The following TBPL2 variants were observed in gnomAD, a reference collection of about 807,000 sequenced individuals.
The protein encoded by TBPL2 is TATA-box binding protein like 2.
A neutral mutation model predicts 38.2 loss-of-function variants in TBPL2; 40 were observed. That is an observed-to-expected ratio of 1.05 (90% CI 0.81 to 1.36). The LOEUF (loss-of-function observed/expected upper bound fraction) is 1.36. TBPL2 is among the 40% of genes most tolerant of loss of function. The probability of loss-of-function intolerance (pLI) is 0.00; values close to 1 mark genes in which losing one functional copy is unlikely to be tolerated. For missense variants in TBPL2, 461 were observed against 456.7 expected (o/e 1.01, Z -0.09); for synonymous variants, 169 against 171.7 (o/e 0.98, Z 0.12).
At chr14:55,432,686 C>T (rs140373779) in intron 4 of TBPL2, among the ~76,000 whole-genome samples, 169 of 152,298 alleles carry the variant, frequency 1.1e-3, no homozygotes, top group Non-Finnish European at 1.8e-3. Context: ...AATATCGACA[C>T]CCAGTGTCCA....
chr14:55,420,405 A>G (rs1222173523), intron 6 of TBPL2, among the ~76,000 whole-genome samples: 1 of 152,320 alleles, frequency 6.6e-6, no homozygotes, highest in East Asian at 1.9e-4. Flanking sequence ...GGATTAAGTA[A>G]TAAGGAACAT....
intron 6 of TBPL2, among the ~76,000 whole-genome samples, chr14:55,416,351 G>T (rs1181513680): frequency 6.6e-6 from 1 of 152,106 alleles, no homozygotes; most frequent in African/African-American, 2.4e-5. Context: ...CAGCACTTTG[G>T]GAGGCCAAGG....
At chr14:55,438,476 C>A (rs983671007) in intron 1 of TBPL2, among the ~76,000 whole-genome samples, 4 of 152,104 alleles carry the variant, frequency 2.6e-5, no homozygotes, top group African/African-American at 9.7e-5. Context: ...GCAGGGTTTC[C>A]TTGGTCTCAC....
At chr14:55,419,344 G>A (rs982120433) in intron 6 of TBPL2, among the ~76,000 whole-genome samples, 4 of 152,244 alleles carry the variant, frequency 2.6e-5, no homozygotes, top group African/African-American at 7.2e-5. Context: ...ATGAAGCAGT[G>A]TCTGTCATAT....
intron 5 of TBPL2, among the ~76,000 whole-genome samples, chr14:55,424,531 T>C (rs2140169126): frequency 6.6e-6 from 1 of 152,340 alleles, no homozygotes; most frequent in Middle Eastern, 3.4e-3. Context: ...TGATTTAGTG[T>C]ATTGAGAGCT....
chr14:55,429,913 T>G (rs1458554127), intron 4 of TBPL2, among the ~76,000 whole-genome samples: 1 of 151,902 alleles, frequency 6.6e-6, no homozygotes, highest in Non-Finnish European at 1.5e-5. Context: ...TTGGACACAC[T>G]GTCCAAAACA....
At chr14:55,433,769 T>C in intron 3 of TBPL2, 48 bp from the exon 4 acceptor site, 3 of 1,542,600 alleles carry the variant, frequency 1.9e-6, no homozygotes, top group Non-Finnish European at 2.7e-6. Context: ...GGAGTTAACA[T>C]TATCCCAGTT....
intron 6 of TBPL2, among the ~76,000 whole-genome samples, chr14:55,421,071 A>G (rs1885736154): frequency 6.6e-6 from 1 of 151,660 alleles, no homozygotes. Context: ...AAAAAAAAAA[A>G]AAAAAAAGAA....
At chr14:55,426,715 A>C (rs1885830179) in intron 5 of TBPL2, among the ~76,000 whole-genome samples, 2 of 149,864 alleles carry the variant, frequency 1.3e-5, no homozygotes, top group Non-Finnish European at 3.0e-5. Context: ...GGCCAGATTA[A>C]AAAAAAAAAA....
chr14:55,418,990 G>A (rs947289324), intron 6 of TBPL2, among the ~76,000 whole-genome samples: 8 of 152,182 alleles, frequency 5.3e-5, no homozygotes, highest in Non-Finnish European at 1.2e-4. Context: ...GTCAATAAAT[G>A]GCAGATTATG....
chr14:55,433,761 A>G (rs779333285), intron 3 of TBPL2, 40 bp from the exon 4 acceptor site: 2 of 1,577,096 alleles, frequency 1.3e-6, no homozygotes, highest in South Asian at 1.1e-5. Context: ...CTCTGCTAGG[A>G]GTTAACATTA....
chr14:55,435,123 AACTTTAT>A (rs1041060902), intron 3 of TBPL2, among the ~76,000 whole-genome samples: 1 of 152,238 alleles, frequency 6.6e-6, no homozygotes, highest in African/African-American at 2.4e-5. Context: ...TAGGAGCTTG[AACTTTAT>A]ACTTTAAGCA....
At chr14:55,438,336 A>T (rs1328822411) in intron 1 of TBPL2, among the ~76,000 whole-genome samples, 1 of 152,182 alleles carries the variant, frequency 6.6e-6, no homozygotes, top group African/African-American at 2.4e-5. Context: ...AAATCAAGCT[A>T]TTCTCTTGAA....
intron 2 of TBPL2, 111 bp from the exon 3 acceptor site, chr14:55,436,045 G>C: frequency 1.6e-6 from 1 of 606,726 alleles, no homozygotes; most frequent in Non-Finnish European, 2.7e-6. Context: ...TTCCTAGGGG[G>C]AGAATTATTC....
chr14:55,426,249 A>G (rs2140170527), intron 5 of TBPL2, among the ~76,000 whole-genome samples: 1 of 151,170 alleles, frequency 6.6e-6, no homozygotes, highest in East Asian at 1.9e-4. Context: ...GCCTGGGCAA[A>G]AGAGCAAAAC....
At chr14:55,435,683 TA>T (rs1468186840) in intron 3 of TBPL2, among the ~76,000 whole-genome samples, 163 bp downstream of exon 3, 4 of 152,236 alleles carry the variant, frequency 2.6e-5, no homozygotes. Context: ...AGAATGAGAT[TA>T]TTTTTTATAA....
Position 55,435,843 on chromosome 14 carries a change from T to G in TBPL2, c.696+4A>C, listed in dbSNP as rs1886003681. The G allele has an allele frequency of 6.5e-7, 1 of 1,548,808 alleles. No individual in the cohort carries two copies. The highest frequency in any genetic ancestry group is 1.4e-5 in the African/African-American group (1 of 70,482). ...TTATTGGAAGGAATACTGAGAAATG[T>G]TACCTTTGGGTTATATTCTGCATTT... On this transcript the variant is annotated splice_donor_region_variant and intron_variant, in intron 3 of 6. Transcript: ENST00000247219.
chr14:55,433,203 A>G (rs1017353234), intron 4 of TBPL2, among the ~76,000 whole-genome samples: 2 of 152,042 alleles, frequency 1.3e-5, no homozygotes, highest in Non-Finnish European at 2.9e-5. Flanking sequence ...ATCATAGCTC[A>G]TTGCAGCCTC....
At chr14:55,421,524 C>T (rs926249815) in intron 6 of TBPL2, among the ~76,000 whole-genome samples, 11 of 152,234 alleles carry the variant, frequency 7.2e-5, no homozygotes, top group Admixed American at 5.2e-4. Context: ...AGTGCAGTGG[C>T]GCGAACTTGG....
Sources: allele counts gnomAD v4.1 joint callset (sites outside exome capture counted in the v4.1 genomes callset), GRCh38; gene constraint gnomAD v4.1.1; transcripts MANE v1.5; gene names NCBI Gene and HGNC (gene_info 2026-07-23, HGNC 2026-07-21).